DAB1: variants seen among roughly 807,000 people sequenced by gnomAD.
The protein encoded by DAB1 is disabled homolog 1.
In DAB1, 15 loss-of-function variants were observed where a neutral mutation model predicts 64.6. That is an observed-to-expected ratio of 0.23 (90% CI 0.16 to 0.36). DAB1 has a LOEUF of 0.36. Among genes scored for constraint, DAB1 ranks in the 10% least tolerant of loss-of-function variants. The probability of loss-of-function intolerance (pLI) is 1.00; values close to 1 mark genes in which losing one functional copy is unlikely to be tolerated. For synonymous variants in DAB1, 235 were observed against 251.9 expected (o/e 0.93, Z 0.64); for missense variants, 596 against 706.7 (o/e 0.84, Z 1.78).
chr1:58,118,898 A>G (rs188937113), intron 5 of DAB1, among the ~76,000 whole-genome samples: 29 of 152,054 alleles, frequency 1.9e-4, no homozygotes, highest in East Asian at 1.7e-3. Context: ...GTGCTGTCCA[A>G]TCGAACTTTC....
intron 6 of DAB1, among the ~76,000 whole-genome samples, chr1:57,815,314 C>T (rs1373481801): frequency 6.6e-6 from 1 of 152,036 alleles, no homozygotes; most frequent in African/African-American, 2.4e-5. Context: ...GTGATCTGCC[C>T]GCCTCAGCCT....
At chr1:57,871,386 C>T (rs1331788633) in intron 1 of DAB1, among the ~76,000 whole-genome samples, 1 of 152,148 alleles carries the variant, frequency 6.6e-6, no homozygotes, top group Admixed American at 6.6e-5. Flanking sequence ...GTTATTACTA[C>T]ATTGTACCCA....
chr1:57,733,011 T>C (rs1446946421), intron 6 of DAB1, among the ~76,000 whole-genome samples: 2 of 152,170 alleles, frequency 1.3e-5, no homozygotes, highest in African/African-American at 4.8e-5. Context: ...GAGAGTACAA[T>C]ATGACTAGGT....
intron 7 of DAB1, among the ~76,000 whole-genome samples, chr1:57,506,318 A>C (rs1570580937): frequency 6.6e-6 from 1 of 151,014 alleles, no homozygotes; most frequent in Non-Finnish European, 1.5e-5. Flanking sequence ...CTTGGAGAAG[A>C]AATCAGTTTC....
intron 2 of DAB1, among the ~76,000 whole-genome samples, chr1:57,248,614 C>T (rs1372318102): frequency 6.6e-6 from 1 of 152,112 alleles, no homozygotes; most frequent in Non-Finnish European, 1.5e-5. Flanking sequence ...AAACAGTGTT[C>T]AAAGTATTAC....
At chr1:58,400,894 T>C (rs747469168) in intron 3 of DAB1, among the ~76,000 whole-genome samples, 2 of 152,196 alleles carry the variant, frequency 1.3e-5, no homozygotes, top group Non-Finnish European at 2.9e-5. Flanking sequence ...AAAATGAAGA[T>C]GGACAAGGTG....
chr1:57,149,100 T>C (rs1013651105), intron 2 of DAB1, among the ~76,000 whole-genome samples: 3 of 152,222 alleles, frequency 2.0e-5, no homozygotes, highest in Admixed American at 2.0e-4. Flanking sequence ...TATTTTATAA[T>C]ATACAATTTT....
In DAB1 at chr1:57,613,806, C is replaced by T. The variant is rs529165105; in HGVS notation, n.625+35786G>A. On this transcript the variant is annotated intron_variant and non_coding_transcript_variant, in intron 7 of 20. Transcript: ENST00000485760. ...GAAGCTAGGGTGGTACAGCGAAAGGCACAACGGCCTTGGAGTCGGAGAGAC... is the reference window on the plus strand; with the variant it reads ...GAAGCTAGGGTGGTACAGCGAAAGGTACAACGGCCTTGGAGTCGGAGAGAC... 3.3e-5 allele frequency among the ~76,000 whole-genome samples: 5 copies of T among 152,246 alleles called. No homozygotes were observed. The South Asian group carries it at 1.0e-3, about 32-fold the overall frequency.
intron 2 of DAB1, among the ~76,000 whole-genome samples, chr1:57,258,297 G>GT (rs1289857530): frequency 6.6e-6 from 1 of 152,174 alleles, no homozygotes; most frequent in African/African-American, 2.4e-5. Flanking sequence ...AGGTCACACA[G>GT]TAAGAAGGAG....
intron 5 of DAB1, among the ~76,000 whole-genome samples, chr1:58,046,804 C>G (rs1647276484): frequency 6.6e-6 from 1 of 152,170 alleles, no homozygotes; most frequent in South Asian, 2.1e-4. Context: ...ATGTGCCAGC[C>G]ACTGGTGCTG....
chr1:57,910,739 T>C (rs181199148), intron 5 of DAB1, among the ~76,000 whole-genome samples: 1 of 152,366 alleles, frequency 6.6e-6, no homozygotes, highest in East Asian at 1.9e-4. Flanking sequence ...ACTTCCCACC[T>C]GCCTCTAAGA....
intron 9 of DAB1, among the ~76,000 whole-genome samples, chr1:57,041,421 A>C (rs2100479789): frequency 6.6e-6 from 1 of 152,326 alleles, no homozygotes; most frequent in African/African-American, 2.4e-5. Flanking sequence ...GAGAAGTGCC[A>C]CAACAAGGGT....
chr1:58,357,049 GTT>G (rs1644118888), intron 3 of DAB1, among the ~76,000 whole-genome samples: 1 of 137,058 alleles, frequency 7.3e-6, no homozygotes, highest in Non-Finnish European at 1.6e-5. Flanking sequence ...AAAAAAAAAA[GTT>G]AAAGTTTTTT....
intron 2 of DAB1, among the ~76,000 whole-genome samples, chr1:57,189,946 C>G (rs755154413): frequency 6.6e-6 from 1 of 151,876 alleles, no homozygotes; most frequent in Non-Finnish European, 1.5e-5. Flanking sequence ...GATGCTAGGA[C>G]TGAACAGAAT....
At chr1:57,377,057 T>G (rs6690017) in intron 1 of DAB1, among the ~76,000 whole-genome samples, 58,586 of 151,732 alleles carry the variant, frequency 0.39, 11,740 homozygotes, top group Non-Finnish European at 0.42. Flanking sequence ...ATCACTTGAG[T>G]TCAGGAATTT....
At chr1:57,045,749 T>C (rs1648396455) in intron 9 of DAB1, among the ~76,000 whole-genome samples, 1 of 151,980 alleles carries the variant, frequency 6.6e-6, no homozygotes, top group African/African-American at 2.4e-5. Flanking sequence ...ACCCTGAGTA[T>C]TGGGCTGACA....
chr1:57,391,766 AACACACACAC>A (rs57332880), intron 1 of DAB1, among the ~76,000 whole-genome samples: 4,404 of 94,586 alleles, frequency 0.047, 108 homozygotes, highest in African/African-American at 0.1. Context: ...CAGAGGAATA[AACACACACAC>A]ACACACACAC....
At chr1:57,314,263 G>T (rs1273446871) in intron 1 of DAB1, among the ~76,000 whole-genome samples, 1 of 152,118 alleles carries the variant, frequency 6.6e-6, no homozygotes, top group African/African-American at 2.4e-5. Flanking sequence ...TCCCACCAAG[G>T]GGAAACTTTG....
intron 1 of DAB1, among the ~76,000 whole-genome samples, chr1:57,405,383 C>T (rs181774635): frequency 2.6e-4 from 40 of 152,274 alleles, no homozygotes; most frequent in African/African-American, 9.4e-4. Context: ...CGGAAATGGT[C>T]CAATGTACCC....
Sources: allele counts gnomAD v4.1 joint callset (sites outside exome capture counted in the v4.1 genomes callset), GRCh38; gene constraint gnomAD v4.1.1; transcripts MANE v1.5; gene names NCBI Gene and HGNC (gene_info 2026-07-23, HGNC 2026-07-21).